Variants in SAPCD2 observed in about 807,000 individuals in gnomAD.
SAPCD2 encodes suppressor APC domain-containing protein 2.
SAPCD2 carries 34 observed loss-of-function variants against 37.8 expected under a neutral mutation model. The ratio of observed to expected loss-of-function variants is 0.90; its 90% confidence interval spans 0.68 to 1.20. The LOEUF is 1.20. Among genes scored for constraint, SAPCD2 ranks in the 50% most tolerant of loss-of-function variants. The pLI is 0.00. For missense variants in SAPCD2, 572 were observed against 584.7 expected, an observed-to-expected ratio of 0.98 and a Z score of 0.22; for synonymous variants, 275 against 270.3, an observed-to-expected ratio of 1.02 and a Z score of -0.17.
intron 5 of SAPCD2, 31 bp downstream of exon 5, chr9:137,064,832 C>G: frequency 6.3e-7 from 1 of 1,575,630 alleles, no homozygotes; most frequent in East Asian, 2.4e-5. Flanking sequence ...GCCTCACCCC[C>G]ACCCCTGCAC....
intron 1 of SAPCD2, among the ~76,000 whole-genome samples, chr9:137,067,539 G>A (rs1243990565): frequency 1.3e-5 from 2 of 150,656 alleles, no homozygotes; most frequent in Admixed American, 1.3e-4. Context: ...TGGGAAGCTG[G>A]GGCGGGGGGG....
At chr9:137,064,829 C>T in intron 5 of SAPCD2, 34 bp downstream of exon 5, 1 of 1,580,318 alleles carries the variant, frequency 6.3e-7, no homozygotes, top group Non-Finnish European at 8.6e-7. Flanking sequence ...GGGGCCTCAC[C>T]CCCACCCCTG....
chr9:137,062,412 C>T lies in SAPCD2; in HGVS notation c.*2247G>A, dbSNP rs1386330729. 1 of 151,970 alleles carries T rather than the reference C, an allele frequency of 6.6e-6. No individual in the cohort carries two copies. Among genetic ancestry groups the T allele is most frequent in the Non-Finnish European group, 1.5e-5 (1 of 67,990 alleles). The allele number at this position is 151,970 out of a possible 1,614,324, so 9.4% of individuals were successfully genotyped here. ...GGATTCCAGGCGTGAACCACCACGC[C>T]CGGCTGAGATGTTCCTTTTCCTTGG... On this transcript the variant is annotated 3_prime_UTR_variant, in exon 6 of 6. Transcript: ENST00000409687.
At chr9:137,067,837 A>G (rs1832571951) in intron 1 of SAPCD2, among the ~76,000 whole-genome samples, 1 of 148,052 alleles carries the variant, frequency 6.8e-6, no homozygotes, top group Admixed American at 6.8e-5. Flanking sequence ...CGGTGCACCC[A>G]ACTGACAAGT....
intron 3 of SAPCD2, 78 bp downstream of exon 3, chr9:137,065,444 G>C (rs750357541): frequency 2.0e-6 from 3 of 1,466,144 alleles, no homozygotes; most frequent in Non-Finnish European, 2.7e-6. Context: ...AATAGGGGCA[G>C]CCACAATGCC....
intron 4 of SAPCD2, 46 bp downstream of exon 4, chr9:137,065,032 C>T (rs1304861643): frequency 1.3e-6 from 2 of 1,497,848 alleles, no homozygotes; most frequent in East Asian, 2.5e-5. Flanking sequence ...AAGCACTAAA[C>T]TGGCCTGGGC....
At chr9:137,068,832 G>C (rs1242545148) in intron 1 of SAPCD2, among the ~76,000 whole-genome samples, 2 of 152,346 alleles carry the variant, frequency 1.3e-5, no homozygotes, top group South Asian at 4.1e-4. Flanking sequence ...CATGGATGAC[G>C]CTGACCCTGC....
chr9:137,064,684 C>A lies in SAPCD2; in HGVS notation c.1160G>T (p.Gly387Val), dbSNP rs1226502372. 1 of 1,597,104 alleles carries A rather than the reference C, an allele frequency of 6.3e-7. No individual in the cohort carries two copies. The highest frequency in any genetic ancestry group is 8.5e-7 in the Non-Finnish European group (1 of 1,173,172). The change falls in exon 6 of 6, where the codon GGA becomes GTA. Residue 387 changes from glycine (G) to valine (V), a missense_variant. Physicochemically the swap from Gly to Val is moderately radical, Grantham distance 109. Transcript: ENST00000409687. ...EARALSQQDG[G>V]PLDSTFI ...CTAGATGAAGGTGGAATCCAGAGGT[C>A]CCCCGTCCTGCTGGCTCAGGGCGCG...
rs754197031 is a variant in SAPCD2 at position 137,064,869 on chromosome 9, G to A, written c.1050C>T (p.Leu350=). ...ILMLKEQNRL[L]TQEVTEKSER... Reference sequence around the variant, plus strand: ...CCTCCCGCGCCTGCCCTACCTGGGTGAGGAGTCGGTTCTGCTCCTTCAGCA... The same window carrying A: ...CCTCCCGCGCCTGCCCTACCTGGGTAAGGAGTCGGTTCTGCTCCTTCAGCA... Residue 350 remains leucine, a synonymous_variant, in exon 5 of 6, where the codon CTC becomes CTT. Coordinates refer to ENST00000409687, the MANE Select transcript of SAPCD2 (RefSeq NM_178448.4). 2 of 1,565,360 alleles carry A rather than the reference G, an allele frequency of 1.3e-6. No individual in the cohort carries two copies. The highest frequency in any genetic ancestry group is 1.2e-5 in the South Asian group (1 of 85,448).
At chr9:137,065,337 T>C in intron 3 of SAPCD2, 152 bp from the exon 4 acceptor site, 1 of 938,722 alleles carries the variant, frequency 1.1e-6, no homozygotes, top group Non-Finnish European at 1.5e-6. Context: ...GTGGGAGGTC[T>C]GCCCAAGACA....
In SAPCD2 at chr9:137,062,796, C is replaced by T. The variant is rs1423229157; in HGVS notation, c.*1863G>A. On this transcript the variant is annotated 3_prime_UTR_variant, in exon 6 of 6. Coordinates refer to ENST00000409687, the MANE Select transcript of SAPCD2 (RefSeq NM_178448.4). The stretch of plus-strand genomic sequence containing the variant: ...CACTAGCCTGATTTCAAGCTGTAAA[C>T]TGGGAGGACCTATTTCTTTTCACCT... 5.9e-5 allele frequency: 9 copies of T among 152,368 alleles called. No individual in the cohort carries two copies. Among genetic ancestry groups the T allele is most frequent in the Admixed American group, 5.2e-4 (8 of 15,300 alleles). The allele number at this position is 152,368 out of a possible 1,614,324, so 9.4% of individuals were successfully genotyped here. A position where few individuals can be genotyped will look rare whatever the true frequency, so the allele number is the denominator to read the frequency against.
In SAPCD2 at chr9:137,064,349, G is replaced by A. The variant is rs745758290; in HGVS notation, c.*310C>T. On this transcript the variant is annotated 3_prime_UTR_variant, in exon 6 of 6. Coordinates refer to ENST00000409687, the MANE Select transcript of SAPCD2 (RefSeq NM_178448.4). ...GCGGCACCGCTGGAAACGGGGGGAC[G>A]CTAACTCATGGAGGGGTACCCCACT... The A allele has an allele frequency of 9.1e-4, 396 of 434,330 alleles. 3 individuals are homozygous for A. Among genetic ancestry groups the A allele is most frequent in the Middle Eastern group, 3.8e-3 (6 of 1,572 alleles). 26.9% of individuals were successfully genotyped at this position (434,330 alleles called of 1,614,324 possible).
chr9:137,065,386 A>G (rs1832528603), intron 3 of SAPCD2, 136 bp downstream of exon 3: 1 of 1,173,824 alleles, frequency 8.5e-7, no homozygotes, highest in Non-Finnish European at 1.2e-6. Context: ...AGGCGGAGAA[A>G]GGGATGTCTC....
Position 137,064,672 on chromosome 9 carries a change from G to A in SAPCD2, c.1172C>T (p.Ser391Phe). The A allele has an allele frequency of 6.3e-7, 1 of 1,598,306 alleles. No homozygotes were observed. The highest frequency in any genetic ancestry group is 2.2e-4 in the Middle Eastern group (1 of 4,512). The change falls in exon 6 of 6, where the codon TCC (serine) becomes TTC (phenylalanine). Residue 391 changes from serine (S) to phenylalanine (F), a missense_variant. Ser to Phe is a radical substitution (Grantham distance 155). Transcript: ENST00000409687. ...LSQQDGGPLD[S>F]TFI Reference sequence around the variant, plus strand: ...GGCCCACAAGGACTAGATGAAGGTGGAATCCAGAGGTCCCCCGTCCTGCTG... The same window carrying A: ...GGCCCACAAGGACTAGATGAAGGTGAAATCCAGAGGTCCCCCGTCCTGCTG...
At chr9:137,066,587 C>T (rs1022195791) in intron 1 of SAPCD2, among the ~76,000 whole-genome samples, 1 of 152,228 alleles carries the variant, frequency 6.6e-6, no homozygotes, top group Admixed American at 6.5e-5. Context: ...CCGCCAAGCC[C>T]GCATGTTTGC....
rs115453697 is a variant in SAPCD2 at position 137,070,465 on chromosome 9, G to A, written c.-5C>T. On this transcript the variant is annotated 5_prime_UTR_variant, in exon 1 of 6. Coordinates refer to ENST00000409687, the MANE Select transcript of SAPCD2 (RefSeq NM_178448.4). ...GGCCATGGCGGCCCCGGCCATGGGCGCCCGGGATCGGTCCCCTCGTCCACC... is the reference window on the plus strand; with the variant it reads ...GGCCATGGCGGCCCCGGCCATGGGCACCCGGGATCGGTCCCCTCGTCCACC... The A allele has an allele frequency of 0.015, 18,365 of 1,223,786 alleles. 1,989 individuals are homozygous for A. In the African/African-American group the frequency reaches 0.24, roughly 16 times the overall value. The allele number at this position is 1,223,786 out of a possible 1,614,324, so 75.8% of individuals were successfully genotyped here. A position where few individuals can be genotyped will look rare whatever the true frequency, so the allele number is the denominator to read the frequency against.
intron 3 of SAPCD2, 121 bp from the exon 4 acceptor site, chr9:137,065,306 G>A (rs1832527746): frequency 3.3e-6 from 3 of 922,768 alleles, no homozygotes; most frequent in Non-Finnish European, 1.6e-6. Context: ...GAGCCTAGAG[G>A]GTCCCAGGGG....
chr9:137,064,465 G>T lies in SAPCD2; in HGVS notation c.*194C>A, dbSNP rs1258153499. 4.7e-6 allele frequency: 3 copies of T among 638,706 alleles called. No homozygotes were observed. The East Asian group carries it at 8.3e-5, about 18-fold the overall frequency. 39.6% of individuals were successfully genotyped at this position (638,706 alleles called of 1,614,324 possible). ...GCACCAGGAGCCAAAACGGAGTCAA[G>T]CGCTCGGTGCGGGGACCAGCCGGGG... On this transcript the variant is annotated 3_prime_UTR_variant, in exon 6 of 6. Coordinates refer to ENST00000409687, the MANE Select transcript of SAPCD2 (RefSeq NM_178448.4).
chr9:137,065,014 G>A (rs1357798970), intron 4 of SAPCD2, 35 bp from the exon 5 acceptor site: 1 of 1,491,494 alleles, frequency 6.7e-7, no homozygotes, highest in Admixed American at 2.0e-5. Flanking sequence ...GCCTGGACGA[G>A]GGCGGGGAAG....
Sources: gnomAD v4.1 joint callset for allele counts (sites outside exome capture counted in the v4.1 genomes callset) on GRCh38, gnomAD v4.1.1 for gene constraint, MANE v1.5 for transcripts, NCBI Gene and HGNC (gene_info 2026-07-23, HGNC 2026-07-21) for gene names.